The following SLC35F3 variants were observed in gnomAD, a reference collection of about 807,000 sequenced individuals.
The protein encoded by SLC35F3 is putative thiamine transporter SLC35F3.
In SLC35F3, 25 loss-of-function variants were observed where a neutral mutation model predicts 49.9. The observed-to-expected ratio is 0.50, with a 90% confidence interval of 0.37 to 0.70. The LOEUF is 0.70. SLC35F3 is among the 30% of genes least tolerant of loss of function. The pLI is 0.00. For missense variants in SLC35F3, 525 were observed against 639.8 expected, an observed-to-expected ratio of 0.82 and a Z score of 1.94; for synonymous variants, 275 against 265.4, an observed-to-expected ratio of 1.04 and a Z score of -0.35.
chr1:233,951,824 GGCCTCCCAAAGT>G (rs528455921), intron 2 of SLC35F3, among the ~76,000 whole-genome samples: 8 of 152,004 alleles, frequency 5.3e-5, no homozygotes, highest in African/African-American at 1.9e-4. Flanking sequence ...CTCTCCCTTG[GGCCTCCCAAAGT>G]GCTGAGATTA....
chr1:234,053,657 G>C (rs548063358), intron 2 of SLC35F3, among the ~76,000 whole-genome samples: 4 of 152,242 alleles, frequency 2.6e-5, no homozygotes, highest in Admixed American at 2.6e-4. Context: ...GGTTAATATT[G>C]TTATGTGTGA....
intron 3 of SLC35F3, among the ~76,000 whole-genome samples, chr1:234,257,496 G>A (rs1667838777): frequency 6.6e-6 from 1 of 152,094 alleles, no homozygotes; most frequent in Non-Finnish European, 1.5e-5. Context: ...CCATGTATTT[G>A]CACACAGCAA....
intron 2 of SLC35F3, among the ~76,000 whole-genome samples, chr1:234,052,353 G>A (rs1184833079): frequency 6.6e-6 from 1 of 152,110 alleles, no homozygotes; most frequent in East Asian, 1.9e-4. Flanking sequence ...GCTTCTTACT[G>A]GTTTAGTCTT....
intron 2 of SLC35F3, among the ~76,000 whole-genome samples, chr1:234,000,381 C>A (rs1047817196): frequency 1.3e-5 from 2 of 152,116 alleles, no homozygotes; most frequent in South Asian, 4.2e-4. Context: ...TACCTTTGTT[C>A]CCAATTTTAC....
intron 4 of SLC35F3, among the ~76,000 whole-genome samples, chr1:234,315,439 A>C (rs938935296): frequency 1.3e-5 from 2 of 152,220 alleles, no homozygotes; most frequent in African/African-American, 4.8e-5. Context: ...GTAAGCACCA[A>C]CTTTGCAATT....
At chr1:234,298,879 A>C (rs1256089197) in intron 3 of SLC35F3, among the ~76,000 whole-genome samples, 1 of 152,242 alleles carries the variant, frequency 6.6e-6, no homozygotes, top group Non-Finnish European at 1.5e-5. Flanking sequence ...GAGAGCAACC[A>C]ATACAGCCAG....
intron 3 of SLC35F3, among the ~76,000 whole-genome samples, chr1:234,282,891 A>G (rs367808795): frequency 1.3e-5 from 2 of 152,286 alleles, no homozygotes; most frequent in South Asian, 4.1e-4. Context: ...TCCTTGGGGA[A>G]TGGGTTATTA....
chr1:234,220,517 T>C (rs1398822790), intron 2 of SLC35F3, among the ~76,000 whole-genome samples: 1 of 152,174 alleles, frequency 6.6e-6, no homozygotes, highest in Non-Finnish European at 1.5e-5. Context: ...CCTCATTTAG[T>C]CCTCACAACA....
At chr1:234,303,306 A>G (rs1401054759) in intron 3 of SLC35F3, among the ~76,000 whole-genome samples, 1 of 152,128 alleles carries the variant, frequency 6.6e-6, no homozygotes, top group Non-Finnish European at 1.5e-5. Context: ...ACGTTCTGCC[A>G]CCTCAAAAGC....
At chr1:234,306,296 G>A (rs1160728822) in intron 3 of SLC35F3, among the ~76,000 whole-genome samples, 1 of 152,092 alleles carries the variant, frequency 6.6e-6, no homozygotes, top group East Asian at 1.9e-4. Flanking sequence ...GAGTAGCTGG[G>A]ATTACCGGTG....
intron 2 of SLC35F3, among the ~76,000 whole-genome samples, chr1:234,018,381 C>G (rs980006318): frequency 1.3e-5 from 2 of 152,210 alleles, no homozygotes; most frequent in African/African-American, 2.4e-5. Context: ...GAGGAATGTA[C>G]AGCCAGGAAT....
chr1:234,077,850 C>T (rs959531142), intron 2 of SLC35F3, among the ~76,000 whole-genome samples: 1 of 152,012 alleles, frequency 6.6e-6, no homozygotes, highest in African/African-American at 2.4e-5. Context: ...TTGTGTGCCT[C>T]TTCTCTGGAG....
At chr1:233,936,527 TC>T (rs1662331200) in intron 2 of SLC35F3, among the ~76,000 whole-genome samples, 1 of 146,996 alleles carries the variant, frequency 6.8e-6, no homozygotes, top group African/African-American at 2.4e-5. Flanking sequence ...CTCCTCCTCC[TC>T]CTCCTTCTTC....
chr1:234,310,056 C>G (rs1657308150), intron 4 of SLC35F3, among the ~76,000 whole-genome samples: 2 of 152,140 alleles, frequency 1.3e-5, no homozygotes, highest in African/African-American at 4.8e-5. Flanking sequence ...CAGAGAGATT[C>G]CCCCGAATAA....
intron 3 of SLC35F3, among the ~76,000 whole-genome samples, chr1:234,301,918 C>A (rs1389192284): frequency 1.3e-5 from 2 of 152,148 alleles, no homozygotes; most frequent in East Asian, 3.9e-4. Context: ...AAGCCATCAG[C>A]CTCAGCAAAC....
At chr1:234,132,691 T>C (rs12118493) in intron 2 of SLC35F3, among the ~76,000 whole-genome samples, 58,996 of 152,078 alleles carry the variant, frequency 0.39, 13,368 homozygotes, top group Middle Eastern at 0.52. Context: ...ATTGCAGTGT[T>C]AATTTTTTAT....
At chr1:234,045,345 T>C (rs1235519108) in intron 2 of SLC35F3, among the ~76,000 whole-genome samples, 2 of 152,196 alleles carry the variant, frequency 1.3e-5, no homozygotes, top group East Asian at 3.8e-4. Context: ...ATAGTTTAAA[T>C]CTTATAATTA....
chr1:234,254,306 A>G (rs535512781), intron 3 of SLC35F3, among the ~76,000 whole-genome samples: 2 of 152,332 alleles, frequency 1.3e-5, no homozygotes, highest in Admixed American at 1.3e-4. Context: ...TTCAGCCTCA[A>G]GCAGTTACAT....
chr1:234,230,963 C>G (rs1347145756), intron 2 of SLC35F3, among the ~76,000 whole-genome samples: 2 of 152,178 alleles, frequency 1.3e-5, no homozygotes, highest in African/African-American at 4.8e-5. Context: ...GAATCTCCAG[C>G]CCCCAGTACT....
Sources: gnomAD v4.1 joint callset for allele counts (sites outside exome capture counted in the v4.1 genomes callset) on GRCh38, gnomAD v4.1.1 for gene constraint, MANE v1.5 for transcripts, NCBI Gene and HGNC (gene_info 2026-07-23, HGNC 2026-07-21) for gene names.